PCNX3: variants seen among roughly 807,000 people sequenced by gnomAD.
PCNX3 encodes pecanex-like protein 3.
A neutral mutation model predicts 207.2 loss-of-function variants in PCNX3; 58 were observed. The ratio of observed to expected loss-of-function variants is 0.28; its 90% confidence interval spans 0.23 to 0.35. PCNX3 has a LOEUF of 0.35. Ranked by LOEUF, PCNX3 falls within the 10% of genes least tolerant of loss-of-function variation. The pLI, the probability that PCNX3 is intolerant of heterozygous loss-of-function variation, is 1.00. For missense variants in PCNX3, 2,410 were observed against 2,774.4 expected (o/e 0.87, Z 2.95); for synonymous variants, 1,337 against 1,183.5 (o/e 1.13, Z -2.66).
intron 21 of PCNX3, 125 bp from the exon 22 acceptor site, chr11:65,627,280 A>G (rs1448346653): frequency 1.7e-6 from 2 of 1,205,482 alleles, no homozygotes; most frequent in African/African-American, 3.1e-5. Context: ...CCAAAAGAGC[A>G]GGGACCAGCC....
At chr11:65,631,477 C>T (rs556832673) in intron 27 of PCNX3, among the ~76,000 whole-genome samples, 16 of 152,170 alleles carry the variant, frequency 1.1e-4, no homozygotes, top group African/African-American at 3.6e-4. Context: ...GCCAATGTGG[C>T]GAAACCCCAT....
At chr11:65,622,017 C>T (rs966887339) in intron 10 of PCNX3, among the ~76,000 whole-genome samples, 5 of 152,080 alleles carry the variant, frequency 3.3e-5, no homozygotes, top group Admixed American at 6.5e-5. Flanking sequence ...AGCCACTGGG[C>T]GACGTCCTGG....
chr11:65,632,782 T>A (rs932404326), intron 27 of PCNX3, among the ~76,000 whole-genome samples: 1 of 151,200 alleles, frequency 6.6e-6, no homozygotes, highest in Non-Finnish European at 1.5e-5. Flanking sequence ...TCTCATTCTG[T>A]CACCCAGGCT....
rs1565150663 is a variant in PCNX3 at position 65,616,856 on chromosome 11, G to T, written c.186G>T (p.Val62=). 1 of 1,613,628 alleles carries T rather than the reference G, an allele frequency of 6.2e-7. No homozygotes were observed. Among genetic ancestry groups the T allele is most frequent in the South Asian group, 1.1e-5 (1 of 91,082 alleles). The part of the protein sequence containing the change: ...VLPPSLMVAG[V]YCLVVAVIFA... The stretch of plus-strand genomic sequence containing the variant: ...CTCCCAGCTTGATGGTGGCCGGCGT[G>T]TACTGCCTCGTGGTGGCTGTCATCT... Residue 62 remains valine, a synonymous_variant, in exon 2 of 35, where the codon GTG becomes GTT. Transcript: ENST00000355703.
chr11:65,618,229 G>C lies in PCNX3; in HGVS notation c.867G>C (p.Glu289Asp), dbSNP rs765863890. ...YQPLDRRGSG[E>D]PTPQKAGSSD... ...CCCTTGACCGGCGGGGCTCAGGGGA[G>C]CCCACGCCCCAGAAAGCCGGCTCCT... The change falls in exon 6 of 35, where the codon GAG becomes GAC. Residue 289 changes from glutamate (E) to aspartate (D), a missense_variant. This residue lies in a region of PCNX3 where 1,104 missense variants were observed against 970.3 expected (regional missense o/e 1.14). Coordinates refer to ENST00000355703, the MANE Select transcript of PCNX3 (RefSeq NM_032223.4). The C allele has an allele frequency of 1.9e-6, 3 of 1,606,908 alleles. No homozygotes were observed. Among genetic ancestry groups the C allele is most frequent in the Non-Finnish European group, 2.5e-6 (3 of 1,176,720 alleles).
intron 27 of PCNX3, 112 bp from the exon 28 acceptor site, chr11:65,634,014 C>T: frequency 9.8e-7 from 1 of 1,015,630 alleles, no homozygotes. Flanking sequence ...GCGGGGCATC[C>T]CAGAAAGCGG....
chr11:65,626,635 G>A (rs186149469), intron 20 of PCNX3: 4 of 522,658 alleles, frequency 7.7e-6, no homozygotes, highest in Admixed American at 3.3e-5. Flanking sequence ...CCTGCTGTAC[G>A]TAGGTGTTTG....
intron 26 of PCNX3, among the ~76,000 whole-genome samples, 157 bp downstream of exon 26, chr11:65,629,892 C>T (rs947622100): frequency 6.6e-6 from 1 of 152,200 alleles, no homozygotes; most frequent in African/African-American, 2.4e-5. Flanking sequence ...CTGCGTTTCC[C>T]AGTCTGAGCA....
rs1176806473 is a variant in PCNX3, at chr11:65,634,574, C to T, written c.4738C>T (p.Leu1580=). Residue 1580 remains leucine, a synonymous_variant, in exon 29 of 35, where the codon CTG becomes TTG. Transcript: ENST00000355703. The part of the protein sequence containing the change: ...DQDWNSPLVT[L]CFGLCVLGRR... ...GGATTGGAACTCCCCGCTGGTCACGCTGTGTTTTGGCCTGTGTGTGCTGGG... is the reference window on the plus strand; with the variant it reads ...GGATTGGAACTCCCCGCTGGTCACGTTGTGTTTTGGCCTGTGTGTGCTGGG... 5 of 1,604,590 alleles carry T rather than the reference C, an allele frequency of 3.1e-6. No individual in the cohort carries two copies. The highest frequency in any genetic ancestry group is 4.2e-6 in the Non-Finnish European group (5 of 1,178,380).
chr11:65,636,483 C>T lies in PCNX3; in HGVS notation c.5686C>T (p.Gln1896Ter). Residue 1896 changes from glutamine to a stop codon, truncating the protein, a stop_gained, in exon 34 of 35, where the codon CAG becomes TAG. Transcript: ENST00000355703. LOFTEE classifies it high-confidence loss of function. The part of the protein sequence containing the change: ...SGDGRPPPLL[Q>*]WPPPRLPGPP... ...TGATGGGCGGCCCCCACCTCTGCTGCAGTGGCCTCCCCCTCGGCTCCCTGG... is the reference window on the plus strand; with the variant it reads ...TGATGGGCGGCCCCCACCTCTGCTGTAGTGGCCTCCCCCTCGGCTCCCTGG... The T allele has an allele frequency of 6.4e-7, 1 of 1,572,454 alleles. No homozygotes were observed. Among genetic ancestry groups the T allele is most frequent in the South Asian group, 1.2e-5 (1 of 86,390 alleles).
chr11:65,618,909 C>A lies in PCNX3; in HGVS notation c.1547C>A (p.Pro516His). ...MDGAGGDVLR[P>H]PLAGCKAELE... Reference sequence around the variant, plus strand: ...GGGGCTGGGGGTGATGTTCTGAGGCCCCCACTGGCTGGCTGCAAGGCAGAG... The same window carrying A: ...GGGGCTGGGGGTGATGTTCTGAGGCACCCACTGGCTGGCTGCAAGGCAGAG... Residue 516 changes from proline (P) to histidine (H), a missense_variant, in exon 6 of 35, where the codon CCC becomes CAC. Pro to His is a moderately conservative substitution (Grantham distance 77). Transcript: ENST00000355703. 6.2e-7 allele frequency: 1 copy of A among 1,609,102 alleles called. No individual in the cohort carries two copies. The highest frequency in any genetic ancestry group is 1.1e-5 in the South Asian group (1 of 90,522).
Position 65,637,080 on chromosome 11 carries a change from C to A in PCNX3, c.*102C>A. 7.6e-7 allele frequency: 1 copy of A among 1,316,524 alleles called. No homozygotes were observed. The highest frequency in any genetic ancestry group is 1.0e-6 in the Non-Finnish European group (1 of 965,126). The allele number at this position is 1,316,524 out of a possible 1,614,324, so 81.6% of individuals were successfully genotyped here. A position where few individuals can be genotyped will look rare whatever the true frequency, so the allele number is the denominator to read the frequency against. On this transcript the variant is annotated 3_prime_UTR_variant, in exon 35 of 35. Coordinates refer to ENST00000355703, the MANE Select transcript of PCNX3 (RefSeq NM_032223.4). ...AACTGAGTGGCTTTGGCCTACATGT[C>A]TGAACCCTGACCTTTGGCTGCCTTG...
Position 65,637,058 on chromosome 11 carries a change from T to C in PCNX3, c.*80T>C, listed in dbSNP as rs1855881109. ...CTGCCTCTCTGCTGGACCACAGAAC[T>C]GAGTGGCTTTGGCCTACATGTCTGA... is the stretch of plus-strand genomic sequence containing the variant. On this transcript the variant is annotated 3_prime_UTR_variant, in exon 35 of 35. Coordinates refer to ENST00000355703, the MANE Select transcript of PCNX3 (RefSeq NM_032223.4). 3.5e-6 allele frequency: 5 copies of C among 1,442,140 alleles called. No individual in the cohort carries two copies. The highest frequency in any genetic ancestry group is 4.7e-6 in the Non-Finnish European group (5 of 1,071,058). The allele number at this position is 1,442,140 out of a possible 1,614,324, so 89.3% of individuals were successfully genotyped here. A position where few individuals can be genotyped will look rare whatever the true frequency, so the allele number is the denominator to read the frequency against.
In PCNX3 at chr11:65,636,499, G is replaced by T. The variant is rs571835847; in HGVS notation, c.5702G>T (p.Arg1901Leu). 29 of 1,578,632 alleles carry T rather than the reference G, an allele frequency of 1.8e-5. No homozygotes were observed. In the Admixed American group the frequency reaches 2.9e-4, roughly 16 times the overall value. The change falls in exon 34 of 35, where the codon CGG becomes CTG. Residue 1901 changes from arginine to leucine, a missense_variant. This residue lies in a region of PCNX3 where 278 missense variants were observed against 245.1 expected (regional missense o/e 1.13). Coordinates refer to ENST00000355703, the MANE Select transcript of PCNX3 (RefSeq NM_032223.4). ...CCTCTGCTGCAGTGGCCTCCCCCTCGGCTCCCTGGACCACCCCCTGCATCG... is the reference window on the plus strand; with the variant it reads ...CCTCTGCTGCAGTGGCCTCCCCCTCTGCTCCCTGGACCACCCCCTGCATCG... The part of the protein sequence containing the change: ...PPPLLQWPPP[R>L]LPGPPPASPI...
chr11:65,618,321 C>T lies in PCNX3; in HGVS notation c.959C>T (p.Ser320Phe). Residue 320 changes from serine to phenylalanine, a missense_variant, in exon 6 of 35, where the codon TCC becomes TTC. Physicochemically the swap from Ser to Phe is radical, Grantham distance 155. Around this residue, in one of 8 missense-constraint regions of PCNX3, gnomAD observed 1,104 missense variants for 970.3 expected, o/e 1.14. Coordinates refer to ENST00000355703, the MANE Select transcript of PCNX3 (RefSeq NM_032223.4). ...LSSFKSEKTNSTHLDSPPGGP... is the reference protein window; with the variant it reads ...LSSFKSEKTNFTHLDSPPGGP... The stretch of plus-strand genomic sequence containing the variant: ...AGCTTCAAGAGTGAGAAGACCAACT[C>T]CACCCATCTGGACAGCCCCCCAGGG... The T allele has an allele frequency of 6.2e-7, 1 of 1,610,246 alleles. No homozygotes were observed. Among genetic ancestry groups the T allele is most frequent in the Non-Finnish European group, 8.5e-7 (1 of 1,177,948 alleles).
Position 65,629,593 on chromosome 11 carries a change from G to T in PCNX3, c.4074G>T (p.Gly1358=), listed in dbSNP as rs762265537. Residue 1358 remains glycine (G), a synonymous_variant, in exon 26 of 35, where the codon GGG becomes GGT. Transcript: ENST00000355703. ...LTRSLQHTLC[G]DLVLGRWGNY... is the part of the protein sequence containing the mutation. The stretch of plus-strand genomic sequence containing the variant: ...GTTCGCTGCAGCACACACTGTGTGG[G>T]GACCTGGTGCTGGGCCGCTGGGGCA... The T allele has an allele frequency of 1.9e-5, 30 of 1,612,976 alleles. No individual in the cohort carries two copies. The highest frequency in any genetic ancestry group is 2.5e-5 in the Non-Finnish European group (30 of 1,179,574).
rs747098549 is a variant in PCNX3 at position 65,635,203 on chromosome 11, C to T, written c.4954-15C>T. The T allele has an allele frequency of 1.6e-5, 25 of 1,591,068 alleles. No homozygotes were observed. Among genetic ancestry groups the T allele is most frequent in the South Asian group, 1.2e-4 (11 of 88,728 alleles). ...GGCAGGGGCCACTGACCCCTGTTCC[C>T]GTCTTCTCTACCAGGACCACTTCAC... On this transcript the variant is annotated splice_polypyrimidine_tract_variant and intron_variant, in intron 30 of 34. Coordinates refer to ENST00000355703, the MANE Select transcript of PCNX3 (RefSeq NM_032223.4). The surrounding 1 kb of genome is among the most constrained non-coding windows in gnomAD (Gnocchi z 9.9).
At position 65,626,003 on chromosome 11, in the gene PCNX3, C is replaced by G; in HGVS notation, c.3328C>G (p.Leu1110Val). Residue 1110 changes from leucine to valine, a missense_variant, in exon 20 of 35, where the codon CTG (leucine) becomes GTG (valine). Transcript: ENST00000355703. ...CCGCAAACAGCTGCCCTGGTTCTGC[C>G]TGTCACAGCCCGTGCTGAAGCCGCT... ...QLRKQLPWFC[L>V]SQPVLKPLEY... 6.2e-7 allele frequency: 1 copy of G among 1,613,408 alleles called. No homozygotes were observed. The highest frequency in any genetic ancestry group is 1.1e-5 in the South Asian group (1 of 91,000).
rs1307470570 is a variant in PCNX3 at position 65,635,231 on chromosome 11, C to T, written c.4967C>T (p.Ser1656Phe). 6.3e-7 allele frequency: 1 copy of T among 1,587,538 alleles called. No homozygotes were observed. The highest frequency in any genetic ancestry group is 8.6e-7 in the Non-Finnish European group (1 of 1,167,068). ...CTTCTCTACCAGGACCACTTCACGT[C>T]CCCAGATGAATATGAGGAGCCAGCA... is the stretch of plus-strand genomic sequence containing the variant. ...ALKLHQDHFTSPDEYEEPAAL... is the reference protein window; with the variant it reads ...ALKLHQDHFTFPDEYEEPAAL... The change falls in exon 31 of 35, where the codon TCC becomes TTC. Residue 1656 changes from serine to phenylalanine, a missense_variant. Coordinates refer to ENST00000355703, the MANE Select transcript of PCNX3 (RefSeq NM_032223.4). The surrounding 1 kb of genome is among the most constrained non-coding windows in gnomAD (Gnocchi z 9.9).
Sources: allele counts gnomAD v4.1 joint callset (sites outside exome capture counted in the v4.1 genomes callset), GRCh38; gene constraint gnomAD v4.1.1; regional missense constraint gnomAD v4.1.1; non-coding constraint Gnocchi (gnomAD v3.1); transcripts MANE v1.5; gene names NCBI Gene and HGNC (gene_info 2026-07-23, HGNC 2026-07-21).